ATP13A4: variants seen among roughly 807,000 people sequenced by gnomAD.
The protein encoded by ATP13A4 is probable cation-transporting ATPase 13A4.
ATP13A4 carries 114 observed loss-of-function variants against 142.5 expected under a neutral mutation model. The observed-to-expected ratio is 0.80, with a 90% CI of 0.69 to 0.93. The LOEUF is 0.93. ATP13A4 is among the 40% of genes least tolerant of loss of function. The probability of loss-of-function intolerance (pLI) is 0.00; values close to 1 mark genes in which losing one functional copy is unlikely to be tolerated. For synonymous variants in ATP13A4, 488 were observed against 514.8 expected, an observed-to-expected ratio of 0.95 and a Z score of 0.70; for missense variants, 1,392 against 1,454.0, an observed-to-expected ratio of 0.96 and a Z score of 0.69.
intron 1 of ATP13A4, among the ~76,000 whole-genome samples, chr3:193,591,221 G>C (rs941917835): frequency 1.3e-5 from 2 of 152,144 alleles, no homozygotes; most frequent in African/African-American, 4.8e-5. Context: ...TTTTAGTAGA[G>C]ACAGGGTTTC....
intron 7 of ATP13A4, among the ~76,000 whole-genome samples, chr3:193,486,625 A>C (rs1294435377): frequency 3.3e-5 from 5 of 152,204 alleles, no homozygotes; most frequent in Non-Finnish European, 7.4e-5. Context: ...TTTTATGTCA[A>C]AAGTGTTGAA....
chr3:193,533,982 GAGTT>G (rs764942107), intron 1 of ATP13A4, among the ~76,000 whole-genome samples: 11 of 152,182 alleles, frequency 7.2e-5, no homozygotes, highest in Non-Finnish European at 1.2e-4. Context: ...GCCCAGTAGA[GAGTT>G]AGAACTTTCC....
intron 21 of ATP13A4, 30 bp downstream of exon 21, chr3:193,440,528 T>G: frequency 6.2e-7 from 1 of 1,613,460 alleles, no homozygotes; most frequent in Non-Finnish European, 8.5e-7. Context: ...TCCATGCAGT[T>G]CATGCCACCT....
At chr3:193,500,431 T>C (rs1180500019) in intron 3 of ATP13A4, among the ~76,000 whole-genome samples, 1 of 152,174 alleles carries the variant, frequency 6.6e-6, no homozygotes, top group Non-Finnish European at 1.5e-5. Flanking sequence ...ACCAGCGATC[T>C]CCAACCTTTT....
intron 7 of ATP13A4, among the ~76,000 whole-genome samples, chr3:193,485,216 G>A (rs527380423): frequency 1.7e-4 from 26 of 151,960 alleles, no homozygotes; most frequent in Admixed American, 3.9e-4. Flanking sequence ...TAGCGCATCT[G>A]GAAGGCAGAA....
intron 18 of ATP13A4, among the ~76,000 whole-genome samples, chr3:193,446,430 G>T (rs1267309100): frequency 6.6e-6 from 1 of 152,088 alleles, no homozygotes; most frequent in East Asian, 1.9e-4. Context: ...CTAAGGCCTT[G>T]GGTCACAGAA....
Position 193,554,742 on chromosome 3 carries a change from T to A in ATP13A4, c.58A>T (p.Met20Leu). ...AGGGAATGTGGCTAGAATCTTACCA[T>A]CTCATTCTCTTCTCCTTCATTGAGC... Reference protein sequence around the residue: ...ALLNEGEENEMEIFGYRTQGC... With the variant: ...ALLNEGEENELEIFGYRTQGC... Residue 20 changes from methionine to leucine, a missense_variant and splice_region_variant, in exon 1 of 30, where the codon ATG becomes TTG. Transcript: ENST00000342695. 1 of 1,613,778 alleles carries A rather than the reference T, an allele frequency of 6.2e-7. No homozygotes were observed. Among genetic ancestry groups the A allele is most frequent in the African/African-American group, 1.3e-5 (1 of 74,946 alleles).
chr3:193,456,993 T>G lies in ATP13A4; in HGVS notation c.1915+7A>C. 6.2e-7 allele frequency: 1 copy of G among 1,610,010 alleles called. No homozygotes were observed. The highest frequency in any genetic ancestry group is 1.3e-5 in the African/African-American group (1 of 74,904). On this transcript the variant is annotated splice_region_variant and intron_variant, in intron 16 of 29. Coordinates refer to ENST00000342695, the MANE Select transcript of ATP13A4 (RefSeq NM_032279.4). ...TTGCCAGGTGTAATCCAAGTCAAGT[T>G]ACAGACCTGTCTCAGGTTGGCAAAA...
intron 1 of ATP13A4, among the ~76,000 whole-genome samples, chr3:193,552,127 C>T (rs1723613652): frequency 6.6e-6 from 1 of 152,172 alleles, no homozygotes; most frequent in Non-Finnish European, 1.5e-5. Context: ...GTGCACGCCA[C>T]CCTGCCTAGC....
At chr3:193,436,442 T>C (rs1419308612) in intron 23 of ATP13A4, among the ~76,000 whole-genome samples, 1 of 152,078 alleles carries the variant, frequency 6.6e-6, no homozygotes, top group African/African-American at 2.4e-5. Context: ...TTACACTTTT[T>C]AAATTTAAAT....
At chr3:193,498,634 C>T (rs1720374772) in intron 3 of ATP13A4, among the ~76,000 whole-genome samples, 1 of 152,154 alleles carries the variant, frequency 6.6e-6, no homozygotes, top group South Asian at 2.1e-4. Flanking sequence ...AATTTGTCTG[C>T]AGTGCATTCT....
At chr3:193,569,966 C>A (rs1253143756) in intron 2 of ATP13A4, among the ~76,000 whole-genome samples, 4 of 152,038 alleles carry the variant, frequency 2.6e-5, no homozygotes, top group Non-Finnish European at 5.9e-5. Flanking sequence ...TAAAACTATT[C>A]AAAAATGGAG....
At chr3:193,571,049 G>A (rs1250983506) in intron 2 of ATP13A4, among the ~76,000 whole-genome samples, 5 of 152,092 alleles carry the variant, frequency 3.3e-5, no homozygotes, top group Non-Finnish European at 4.4e-5. Flanking sequence ...AAGCCAAGGC[G>A]GGTGGGTCAA....
intron 18 of ATP13A4, among the ~76,000 whole-genome samples, chr3:193,446,451 A>G (rs949071729): frequency 6.6e-5 from 10 of 152,218 alleles, no homozygotes; most frequent in Admixed American, 5.2e-4. Context: ...AGAAGCAACA[A>G]GAAATTCTAA....
intron 2 of ATP13A4, among the ~76,000 whole-genome samples, chr3:193,509,729 G>T (rs902908444): frequency 2.6e-5 from 4 of 152,206 alleles, no homozygotes; most frequent in African/African-American, 9.7e-5. Context: ...CTGGCGCAAA[G>T]AATGAATCAA....
intron 17 of ATP13A4, among the ~76,000 whole-genome samples, chr3:193,452,558 C>T (rs1717341290): frequency 7.1e-6 from 1 of 141,704 alleles, no homozygotes; most frequent in African/African-American, 2.6e-5. Flanking sequence ...CTCTAGAGGA[C>T]ATTGTGGAAT....
chr3:193,436,142 A>G (rs1320299284), intron 23 of ATP13A4, among the ~76,000 whole-genome samples: 1 of 152,220 alleles, frequency 6.6e-6, no homozygotes, highest in African/African-American at 2.4e-5. Flanking sequence ...ATGGATTTAA[A>G]TAAAATTCCA....
intron 2 of ATP13A4, among the ~76,000 whole-genome samples, chr3:193,512,811 A>C (rs1371104941): frequency 6.6e-6 from 1 of 152,112 alleles, no homozygotes; most frequent in Non-Finnish European, 1.5e-5. Context: ...CACGTGAGCT[A>C]GGGGAAATTG....
At chr3:193,405,295 A>G (rs9840307) in intron 29 of ATP13A4, among the ~76,000 whole-genome samples, 25,152 of 152,222 alleles carry the variant, frequency 0.17, 2,360 homozygotes, top group African/African-American at 0.25. Context: ...CCTAAAAGGG[A>G]AAAATAATGA....
Sources: gnomAD v4.1 joint callset for allele counts (sites outside exome capture counted in the v4.1 genomes callset) on GRCh38, gnomAD v4.1.1 for gene constraint, MANE v1.5 for transcripts, NCBI Gene and HGNC (gene_info 2026-07-23, HGNC 2026-07-21) for gene names.